CLSTN2: variants seen among roughly 807,000 people sequenced by gnomAD.
CLSTN2 encodes the protein calsyntenin 2.
CLSTN2 carries 48 observed loss-of-function variants against 101.2 expected under a neutral mutation model. The observed-to-expected ratio is 0.47, with a 90% CI of 0.38 to 0.60. CLSTN2 has a LOEUF of 0.60. CLSTN2 is among the 20% of genes least tolerant of loss of function. The probability of loss-of-function intolerance (pLI) is 0.00; values close to 1 mark genes in which losing one functional copy is unlikely to be tolerated. For synonymous variants in CLSTN2, 481 were observed against 463.6 expected (o/e 1.04, Z -0.48); for missense variants, 1,160 against 1,238.2 (o/e 0.94, Z 0.95).
intron 2 of CLSTN2, among the ~76,000 whole-genome samples, chr3:140,258,934 G>A (rs907954758): frequency 6.6e-6 from 1 of 152,128 alleles, no homozygotes; most frequent in Non-Finnish European, 1.5e-5. Context: ...TATATATGCA[G>A]ATATGTAAGT....
At position 140,076,034 on chromosome 3, in the gene CLSTN2, T is replaced by C. The variant is rs537897225; in HGVS notation, c.110-99917T>C. Among the ~76,000 whole-genome samples, 15 of 152,318 alleles carry C rather than the reference T, an allele frequency of 9.8e-5. No homozygotes were observed. In the East Asian group the frequency reaches 2.9e-3, roughly 29 times the overall value. On this transcript the variant is annotated intron_variant, in intron 1 of 16. Transcript: ENST00000458420. ...CCACTGTTGTACAGCAGATCTCTAA[T>C]GGAAACTTTACACCTCTTACAGCCT...
At chr3:140,445,964 C>T (rs1933067120) in intron 5 of CLSTN2, among the ~76,000 whole-genome samples, 1 of 152,014 alleles carries the variant, frequency 6.6e-6, no homozygotes. Flanking sequence ...AGGGCATCTA[C>T]CTAGACTGGA....
intron 1 of CLSTN2, among the ~76,000 whole-genome samples, chr3:140,001,295 A>G (rs2006832472): frequency 6.6e-6 from 1 of 151,506 alleles, no homozygotes; most frequent in South Asian, 2.1e-4. Flanking sequence ...CCACTTTAGC[A>G]TTGCTATCTA....
chr3:140,254,127 G>A (rs957448763), intron 2 of CLSTN2, among the ~76,000 whole-genome samples: 9 of 152,172 alleles, frequency 5.9e-5, no homozygotes, highest in African/African-American at 2.2e-4. Flanking sequence ...GACTTCTCAT[G>A]TTCTCGACTT....
chr3:140,362,901 C>A (rs2087744880), intron 2 of CLSTN2, among the ~76,000 whole-genome samples: 1 of 152,030 alleles, frequency 6.6e-6, no homozygotes, highest in African/African-American at 2.4e-5. Flanking sequence ...ATCATGCCAC[C>A]ACTTTAGGAA....
At chr3:140,454,339 A>C (rs1241527240) in intron 6 of CLSTN2, 5 of 152,176 alleles carry the variant, frequency 3.3e-5, no homozygotes, top group African/African-American at 1.2e-4. Flanking sequence ...CACCCAGATG[A>C]AGCAAAACCT....
chr3:140,558,328 C>G (rs1245795747), intron 11 of CLSTN2, among the ~76,000 whole-genome samples: 2 of 152,230 alleles, frequency 1.3e-5, no homozygotes, highest in Non-Finnish European at 2.9e-5. Flanking sequence ...AAGCACATAA[C>G]AAGCAGTTGC....
At chr3:139,983,041 A>G (rs1378883464) in intron 1 of CLSTN2, among the ~76,000 whole-genome samples, 1 of 151,624 alleles carries the variant, frequency 6.6e-6, no homozygotes, top group Non-Finnish European at 1.5e-5. Flanking sequence ...AGTACTTCAA[A>G]GCAGTCACTG....
chr3:140,538,404 T>G (rs1935401292), intron 9 of CLSTN2, among the ~76,000 whole-genome samples: 1 of 152,126 alleles, frequency 6.6e-6, no homozygotes, highest in African/African-American at 2.4e-5. Flanking sequence ...AGATGCAGAA[T>G]CCTCACTGTG....
At chr3:140,390,090 T>TA (rs5852981) in intron 2 of CLSTN2, among the ~76,000 whole-genome samples, 139,580 of 147,422 alleles carry the variant, frequency 0.95, 66,371 homozygotes, top group South Asian at 0.99. Context: ...AAAGGTTTCT[T>TA]AAAAAAAAAA....
intron 1 of CLSTN2, among the ~76,000 whole-genome samples, chr3:140,016,008 G>A (rs1359741026): frequency 1.3e-5 from 2 of 152,238 alleles, no homozygotes; most frequent in African/African-American, 4.8e-5. Context: ...GAAGAGTGCA[G>A]CCTCAGCCCA....
intron 8 of CLSTN2, among the ~76,000 whole-genome samples, chr3:140,510,115 G>A (rs56050595): frequency 0.21 from 31,916 of 152,110 alleles, 3,442 homozygotes; most frequent in Non-Finnish European, 0.25. Flanking sequence ...ATCTCATGTA[G>A]TTTATTGAAA....
intron 6 of CLSTN2, among the ~76,000 whole-genome samples, chr3:140,459,014 T>A (rs1480208756): frequency 2.0e-5 from 3 of 152,178 alleles, no homozygotes; most frequent in Non-Finnish European, 2.9e-5. Flanking sequence ...ATCTAGAACT[T>A]TCCCCAATCA....
At chr3:140,357,527 C>A (rs2087684021) in intron 2 of CLSTN2, among the ~76,000 whole-genome samples, 1 of 151,150 alleles carries the variant, frequency 6.6e-6, no homozygotes, top group African/African-American at 2.4e-5. Flanking sequence ...CAGAGGCCCT[C>A]TGGGAGAGGT....
At chr3:139,998,841 G>A (rs1041388716) in intron 1 of CLSTN2, among the ~76,000 whole-genome samples, 8 of 152,044 alleles carry the variant, frequency 5.3e-5, no homozygotes, top group Non-Finnish European at 1.2e-4. Flanking sequence ...TTTTCTCAGC[G>A]GATTTTCTGG....
chr3:140,303,050 C>A (rs113256744), intron 2 of CLSTN2, among the ~76,000 whole-genome samples: 1,757 of 152,246 alleles, frequency 0.012, 22 homozygotes, highest in African/African-American at 0.038. Context: ...AGAACACAAT[C>A]TTGTTGGGGA....
At chr3:139,956,478 G>A (rs1027588586) in intron 1 of CLSTN2, among the ~76,000 whole-genome samples, 1 of 152,140 alleles carries the variant, frequency 6.6e-6, no homozygotes, top group Non-Finnish European at 1.5e-5. Context: ...AACAGAGAAG[G>A]CGTTGTTGCT....
chr3:140,276,339 C>T (rs1025335009), intron 2 of CLSTN2, among the ~76,000 whole-genome samples: 5 of 152,142 alleles, frequency 3.3e-5, no homozygotes, highest in Admixed American at 6.6e-5. Context: ...GCAGTCTTTC[C>T]TTTGCTGTTT....
chr3:140,510,768 C>A (rs1409971751), intron 8 of CLSTN2, among the ~76,000 whole-genome samples: 1 of 152,190 alleles, frequency 6.6e-6, no homozygotes, highest in Non-Finnish European at 1.5e-5. Flanking sequence ...CTGGGAAGAT[C>A]TTGAATAGAT....
Sources: allele counts gnomAD v4.1 joint callset (sites outside exome capture counted in the v4.1 genomes callset), GRCh38; gene constraint gnomAD v4.1.1; transcripts MANE v1.5; gene names NCBI Gene and HGNC (gene_info 2026-07-23, HGNC 2026-07-21).